SEC23B: variants seen among roughly 807,000 people sequenced by gnomAD.
SEC23B encodes the protein protein transport protein Sec23B.
SEC23B carries 77 observed loss-of-function variants against 104.3 expected under a neutral mutation model. The ratio of observed to expected loss-of-function variants is 0.74; its 90% CI spans 0.61 to 0.89. The LOEUF (loss-of-function observed/expected upper bound fraction) is 0.89, where lower values mean the gene tolerates loss of function less well. SEC23B is among the 40% of genes least tolerant of loss of function. The pLI is 0.00. For synonymous variants in SEC23B, 338 were observed against 332.5 expected, an observed-to-expected ratio of 1.02 and a Z score of -0.18; for missense variants, 885 against 949.4, an observed-to-expected ratio of 0.93 and a Z score of 0.89.
Position 18,520,989 on chromosome 20 carries a change from C to A in SEC23B, c.367-3444C>A, listed in dbSNP as rs1206604538. On this transcript the variant is annotated intron_variant, in intron 4 of 19. Coordinates refer to ENST00000650089, the MANE Select transcript of SEC23B (RefSeq NM_006363.6). ...TCAGTGGGGTCCCGCACAGATGGGA[C>A]ACGGCTTAGGAAGAATCCCGGGCTG... Among the ~76,000 whole-genome samples, 8 of 152,092 alleles carry A rather than the reference C, an allele frequency of 5.3e-5. No homozygotes were observed. In the East Asian group the frequency reaches 1.5e-3, roughly 29 times the overall value.
At chr20:18,525,953 A>C in intron 7 of SEC23B, 21 bp downstream of exon 7, 1 of 1,613,266 alleles carries the variant, frequency 6.2e-7, no homozygotes, top group African/African-American at 1.3e-5. Flanking sequence ...ATTTACCAGG[A>C]CCTCTCAAAT....
At chr20:18,537,290 C>A (rs1049743285) in intron 12 of SEC23B, among the ~76,000 whole-genome samples, 2 of 151,890 alleles carry the variant, frequency 1.3e-5, no homozygotes, top group African/African-American at 2.4e-5. Context: ...CACATGCACA[C>A]GTATGTTTAT....
At chr20:18,549,639 A>G (rs2122153962) in intron 16 of SEC23B, among the ~76,000 whole-genome samples, 1 of 152,332 alleles carries the variant, frequency 6.6e-6, no homozygotes, top group South Asian at 2.1e-4. Context: ...AAAAATAAAG[A>G]ACTATATGGA....
At chr20:18,543,361 T>C (rs899206324) in intron 14 of SEC23B, among the ~76,000 whole-genome samples, 189 bp downstream of exon 14, 2 of 152,236 alleles carry the variant, frequency 1.3e-5, no homozygotes, top group African/African-American at 4.8e-5. Flanking sequence ...ATTTACATTA[T>C]AGTTGGGAAG....
rs749957440 is a variant in SEC23B at position 18,527,363 on chromosome 20, G to A, written c.994-133G>A. ...ACTGCACTCTAGCCTGGGCAACAGA[G>A]AGAGACTCTGTCACAAAAAGAGAAA... On this transcript the variant is annotated intron_variant, in intron 8 of 19. Coordinates refer to ENST00000650089, the MANE Select transcript of SEC23B (RefSeq NM_006363.6). The A allele has an allele frequency of 5.0e-4, 360 of 724,698 alleles. 1 individual carries two copies. The highest frequency in any genetic ancestry group is 8.1e-4 in the Non-Finnish European group (322 of 399,772). 44.9% of individuals were successfully genotyped at this position (724,698 alleles called of 1,614,324 possible).
intron 4 of SEC23B, among the ~76,000 whole-genome samples, chr20:18,522,978 A>G (rs1158886532): frequency 6.6e-6 from 1 of 151,976 alleles, no homozygotes; most frequent in African/African-American, 2.4e-5. Flanking sequence ...GAGGCAGGAG[A>G]ATAGCGTGAA....
At chr20:18,551,578 G>A (rs1442942951) in intron 17 of SEC23B, among the ~76,000 whole-genome samples, 1 of 151,996 alleles carries the variant, frequency 6.6e-6, no homozygotes, top group African/African-American at 2.4e-5. Context: ...GCCAGGCGTG[G>A]TGGCACACAC....
At chr20:18,557,745 CTTTTT>C (rs11477198) in intron 19 of SEC23B, among the ~76,000 whole-genome samples, 9 of 116,826 alleles carry the variant, frequency 7.7e-5, no homozygotes, top group Non-Finnish European at 1.2e-4. Flanking sequence ...TTTTTCTTTT[CTTTTT>C]TTTTTTTTTT....
rs6045442 is a variant in SEC23B, at chr20:18,511,008, C to T, written c.173C>T (p.Pro58Leu). ...RPDLPPVQYE[P>L]VLCSRPTCKA... ...GACCTACCTCCTGTACAATATGAAC[C>T]TGTGCTTTGCAGCAGGCCAACTTGT... is the stretch of plus-strand genomic sequence containing the variant. Residue 58 changes from proline (P) to leucine (L), a missense_variant, in exon 2 of 20, where the codon CCT (proline) becomes CTT (leucine). Physicochemically the swap from Pro to Leu is moderately conservative, Grantham distance 98. Coordinates refer to ENST00000650089, the MANE Select transcript of SEC23B (RefSeq NM_006363.6). 1.9e-6 allele frequency: 3 copies of T among 1,614,174 alleles called. No homozygotes were observed. The highest frequency in any genetic ancestry group is 2.2e-5 in the South Asian group (2 of 91,082).
intron 15 of SEC23B, among the ~76,000 whole-genome samples, chr20:18,547,731 CCCCCACT>C (rs2060346196): frequency 6.6e-6 from 1 of 152,104 alleles, no homozygotes; most frequent in African/African-American, 2.4e-5. Context: ...TGGCCCTCCA[CCCCCACT>C]CCCCACTGCT....
rs758435412 is a variant in SEC23B at position 18,510,851 on chromosome 20, G to C, written c.16G>C (p.Glu6Gln). 1.9e-6 allele frequency: 3 copies of C among 1,614,004 alleles called. No homozygotes were observed. The highest frequency in any genetic ancestry group is 2.5e-6 in the Non-Finnish European group (3 of 1,179,874). ...CTTTTAGACTATGGCGACATACCTGGAGTTCATCCAGCAGAATGAAGAACG... is the reference window on the plus strand; with the variant it reads ...CTTTTAGACTATGGCGACATACCTGCAGTTCATCCAGCAGAATGAAGAACG... MATYL[E>Q]FIQQNEERDG... The change falls in exon 2 of 20, where the codon GAG becomes CAG. Residue 6 changes from glutamate (E) to glutamine (Q), a missense_variant. By Grantham distance (29) the Glu-to-Gln change is conservative (BLOSUM62 2). Transcript: ENST00000650089.
Position 18,524,592 on chromosome 20 carries a change from C to T in SEC23B, c.526C>T (p.His176Tyr). 1.2e-6 allele frequency: 2 copies of T among 1,614,230 alleles called. No individual in the cohort carries two copies. Among genetic ancestry groups the T allele is most frequent in the Non-Finnish European group, 1.7e-6 (2 of 1,180,042 alleles). The change falls in exon 5 of 20, where the codon CAT becomes TAT. Residue 176 changes from histidine to tyrosine, a missense_variant. Transcript: ENST00000650089. ...CACATTTGGAAGGATGGTGCAGGTT[C>T]ATGAGCTAAGCTGTGAAGGAATCTC... ...LITFGRMVQV[H>Y]ELSCEGISKS...
chr20:18,546,386 CA>C (rs2060332135), intron 15 of SEC23B, among the ~76,000 whole-genome samples: 1 of 151,910 alleles, frequency 6.6e-6, no homozygotes, highest in Non-Finnish European at 1.5e-5. Flanking sequence ...ATGAAGATAA[CA>C]AAACAAAACC....
At chr20:18,559,571 T>G (rs529258034) in intron 19 of SEC23B, among the ~76,000 whole-genome samples, 1 of 152,228 alleles carries the variant, frequency 6.6e-6, no homozygotes, top group Admixed American at 6.5e-5. Flanking sequence ...GGGCCACAGT[T>G]TTTCCTCTCA....
At chr20:18,514,354 C>T (rs1443495441) in intron 3 of SEC23B, among the ~76,000 whole-genome samples, 1 of 152,094 alleles carries the variant, frequency 6.6e-6, no homozygotes, top group Non-Finnish European at 1.5e-5. Flanking sequence ...CGAGCTTATC[C>T]CTGCTGGGAG....
chr20:18,560,751 C>G lies in SEC23B; in HGVS notation c.*11C>G. On this transcript the variant is annotated 3_prime_UTR_variant, in exon 20 of 20. Coordinates refer to ENST00000650089, the MANE Select transcript of SEC23B (RefSeq NM_006363.6). The stretch of plus-strand genomic sequence containing the variant: ...TCCAGTGCCTGTTAAGCTGAGGATA[C>G]AACCAGGAAATGCAACGGTGTCAGA... 1.1e-5 allele frequency: 17 copies of G among 1,601,250 alleles called. No individual in the cohort carries two copies. The highest frequency in any genetic ancestry group is 1.5e-5 in the Non-Finnish European group (17 of 1,168,650).
intron 4 of SEC23B, chr20:18,515,938 A>G (rs1568599272): frequency 3.5e-6 from 2 of 574,224 alleles, no homozygotes; most frequent in East Asian, 6.3e-5. Context: ...AAAAGGTAGA[A>G]CTGATTAAAT....
chr20:18,549,899 C>T lies in SEC23B; in HGVS notation c.1905+1129C>T, dbSNP rs113089673. Among the ~76,000 whole-genome samples the T allele has an allele frequency of 8.0e-3, 1,215 of 151,722 alleles. 8 individuals are homozygous for T. Among genetic ancestry groups the T allele is most frequent in the Middle Eastern group, 0.014 (4 of 294 alleles). On this transcript the variant is annotated intron_variant, in intron 16 of 19. Transcript: ENST00000650089. ...TGAGGCTGGAGAATCACTTGAACCC[C>T]GGAGGCGGAGGCTGCAGTGAGTTGA...
chr20:18,521,815 C>A (rs6035064), intron 4 of SEC23B, among the ~76,000 whole-genome samples: 19,018 of 152,036 alleles, frequency 0.13, 1,295 homozygotes, highest in Admixed American at 0.18. Context: ...GGACGAGTCG[C>A]ATTGGGAGCA....
Sources: gnomAD v4.1 joint callset for allele counts (sites outside exome capture counted in the v4.1 genomes callset) on GRCh38, gnomAD v4.1.1 for gene constraint, MANE v1.5 for transcripts, NCBI Gene and HGNC (gene_info 2026-07-23, HGNC 2026-07-21) for gene names.